Variants in PRKN observed in about 807,000 individuals in gnomAD.
The protein encoded by PRKN is E3 ubiquitin-protein ligase parkin.
PRKN carries 56 observed loss-of-function variants against 59.5 expected under a neutral mutation model. The observed-to-expected ratio is 0.94, with a 90% CI of 0.76 to 1.18. The LOEUF (loss-of-function observed/expected upper bound fraction) is 1.18, where lower values mean the gene tolerates loss of function less well. PRKN is among the 50% of genes most tolerant of loss of function. The pLI is 0.00. For missense variants in PRKN, 657 were observed against 596.4 expected (o/e 1.10, Z -1.06); for synonymous variants, 250 against 222.1 (o/e 1.13, Z -1.12).
chr6:162,650,597 C>CAAAA (rs142452684), intron 1 of PRKN, among the ~76,000 whole-genome samples: 1 of 95,318 alleles, frequency 1.0e-5, no homozygotes, highest in Non-Finnish European at 2.0e-5. Context: ...GACTCCGTCT[C>CAAAA]AAAAAAAAAA....
chr6:161,961,702 A>G (rs1784594), intron 6 of PRKN, among the ~76,000 whole-genome samples: 60,329 of 151,930 alleles, frequency 0.4, 12,150 homozygotes, highest in South Asian at 0.51. Context: ...TCAGAAACGC[A>G]AGGTTTTATC....
At chr6:162,264,133 C>T (rs1347716927) in intron 2 of PRKN, among the ~76,000 whole-genome samples, 1 of 151,680 alleles carries the variant, frequency 6.6e-6, no homozygotes, top group Non-Finnish European at 1.5e-5. Context: ...AAAAATTAGC[C>T]GGCTTTGGTG....
intron 1 of PRKN, among the ~76,000 whole-genome samples, chr6:162,594,580 G>A (rs189220078): frequency 1.6e-3 from 249 of 152,220 alleles, no homozygotes; most frequent in East Asian, 0.01. Flanking sequence ...AAATATGTAT[G>A]ACTTGCATGG....
intron 6 of PRKN, among the ~76,000 whole-genome samples, chr6:161,869,602 C>T (rs1022852427): frequency 3.9e-5 from 6 of 152,172 alleles, no homozygotes; most frequent in Non-Finnish European, 8.8e-5. Context: ...CGCTTCAACT[C>T]AGACTCTGCT....
chr6:161,773,230 A>C (rs1437747615), intron 7 of PRKN, among the ~76,000 whole-genome samples: 1 of 152,240 alleles, frequency 6.6e-6, no homozygotes, highest in Non-Finnish European at 1.5e-5. Context: ...GTGTATGCAT[A>C]ATATGGCTCA....
intron 6 of PRKN, among the ~76,000 whole-genome samples, chr6:161,807,044 T>TA (rs1294431027): frequency 1.3e-5 from 2 of 152,256 alleles, no homozygotes; most frequent in Non-Finnish European, 2.9e-5. Context: ...CTGTAAGTGT[T>TA]AAACTTTAAA....
chr6:162,641,405 T>C lies in PRKN; in HGVS notation c.7+86257A>G, dbSNP rs542528716. ...TTGTAGAAGGCAAAAATCAAAGTGT[T>C]GTCAGAGGAAATTTGCTCACTGAAT... On this transcript the variant is annotated intron_variant, in intron 1 of 11. Coordinates refer to ENST00000366898, the MANE Select transcript of PRKN (RefSeq NM_004562.3). Among the ~76,000 whole-genome samples the C allele has an allele frequency of 5.9e-5, 9 of 152,098 alleles. No individual in the cohort carries two copies. In the South Asian group the frequency reaches 1.7e-3, roughly 28 times the overall value.
chr6:162,285,674 T>C lies in PRKN; in HGVS notation c.172-22909A>G, dbSNP rs774480756. Among the ~76,000 whole-genome samples the C allele has an allele frequency of 2.6e-5, 4 of 152,194 alleles. 1 individual carries two copies. Among genetic ancestry groups the C allele is most frequent in the Non-Finnish European group, 4.4e-5 (3 of 68,038 alleles). On this transcript the variant is annotated intron_variant, in intron 2 of 11. Coordinates refer to ENST00000366898, the MANE Select transcript of PRKN (RefSeq NM_004562.3). ...AAACCACACTGATAAATAAGTATTG[T>C]AGCAGAGACAGCTGGCACCTCATCG...
At chr6:162,252,638 G>A (rs1779482446) in intron 3 of PRKN, among the ~76,000 whole-genome samples, 1 of 152,208 alleles carries the variant, frequency 6.6e-6, no homozygotes, top group Non-Finnish European at 1.5e-5. Flanking sequence ...CACCATGAGA[G>A]GGCACGGCTG....
chr6:162,357,353 T>C (rs376898699), intron 2 of PRKN, among the ~76,000 whole-genome samples: 9 of 152,056 alleles, frequency 5.9e-5, no homozygotes, highest in African/African-American at 2.2e-4. Flanking sequence ...AATAAAGAAA[T>C]AAATAAATAC....
chr6:161,836,427 G>A (rs888904856), intron 6 of PRKN, among the ~76,000 whole-genome samples: 4 of 152,042 alleles, frequency 2.6e-5, no homozygotes, highest in African/African-American at 9.7e-5. Flanking sequence ...GAGTGGCCTC[G>A]ATTAAATCCA....
At chr6:162,315,238 G>A (rs949379750) in intron 2 of PRKN, among the ~76,000 whole-genome samples, 6 of 152,058 alleles carry the variant, frequency 3.9e-5, no homozygotes, top group South Asian at 2.1e-4. Context: ...TGCTAAAAGT[G>A]GTAATTGATC....
chr6:161,526,656 T>C lies in PRKN; in HGVS notation c.1083+22198A>G, dbSNP rs1242471175. Among the ~76,000 whole-genome samples the C allele has an allele frequency of 6.6e-6, 1 of 151,802 alleles. No homozygotes were observed. The highest frequency in any genetic ancestry group is 6.6e-5 in the Admixed American group (1 of 15,234). On this transcript the variant is annotated intron_variant, in intron 9 of 11. Transcript: ENST00000366898. This position sits in a 1 kb window ranked among gnomAD's most constrained non-coding sequence, Gnocchi z 4.1. ...GCTACATGAGGAGCAAACCCTCTGATATAATTTTACATTTACTCATCCATT... is the reference window on the plus strand; with the variant it reads ...GCTACATGAGGAGCAAACCCTCTGACATAATTTTACATTTACTCATCCATT...
At chr6:161,660,253 C>G (rs901493480) in intron 7 of PRKN, among the ~76,000 whole-genome samples, 1 of 152,072 alleles carries the variant, frequency 6.6e-6, no homozygotes, top group African/African-American at 2.4e-5. Context: ...AGGAGAATCA[C>G]AGAATTATAG....
rs577652913 is a variant in PRKN, at chr6:161,581,778, C to A, written c.872-12362G>T. ...GTGAGGGATGGGAAAGTGGTCCTGC[C>A]GAGCTGCTAGTGCAGAGGGTGTGGA... On this transcript the variant is annotated intron_variant, in intron 7 of 11. Coordinates refer to ENST00000366898, the MANE Select transcript of PRKN (RefSeq NM_004562.3). The surrounding 1 kb of genome is among the most constrained non-coding windows in gnomAD (Gnocchi z 4.5). Among the ~76,000 whole-genome samples the A allele has an allele frequency of 3.3e-5, 5 of 152,128 alleles. No individual in the cohort carries two copies. Among genetic ancestry groups the A allele is most frequent in the Non-Finnish European group, 5.9e-5 (4 of 68,026 alleles).
chr6:162,591,706 G>C (rs1781313844), intron 1 of PRKN, among the ~76,000 whole-genome samples: 1 of 152,024 alleles, frequency 6.6e-6, no homozygotes, highest in South Asian at 2.1e-4. Flanking sequence ...TTAAACTTCA[G>C]TTAAGCTAAC....
In PRKN at chr6:162,303,805, A is replaced by G. The variant is rs75056091; in HGVS notation, c.172-41040T>C. On this transcript the variant is annotated intron_variant, in intron 2 of 11. Coordinates refer to ENST00000366898, the MANE Select transcript of PRKN (RefSeq NM_004562.3). Reference sequence around the variant, plus strand: ...AAAACATTTGCTTATCTTTAAGAAAACAAGCTCAGGAAGAGTAAGCTGGAA... The same window carrying G: ...AAAACATTTGCTTATCTTTAAGAAAGCAAGCTCAGGAAGAGTAAGCTGGAA... 1.7e-3 allele frequency among the ~76,000 whole-genome samples: 260 copies of G among 152,256 alleles called. 3 individuals carry two copies. The East Asian group carries it at 0.023, about 13-fold the overall frequency.
chr6:161,991,408 A>C (rs1781641217), intron 5 of PRKN, among the ~76,000 whole-genome samples: 1 of 152,224 alleles, frequency 6.6e-6, no homozygotes, highest in East Asian at 1.9e-4. Context: ...AAGGGAAAGA[A>C]GGAACAAAGC....
chr6:161,642,708 T>C (rs1783788105), intron 7 of PRKN, among the ~76,000 whole-genome samples: 1 of 151,996 alleles, frequency 6.6e-6, no homozygotes, highest in South Asian at 2.1e-4. Flanking sequence ...AGTGGAGGAA[T>C]TGGGAGAAGT....
Sources: gnomAD v4.1 joint callset for allele counts (sites outside exome capture counted in the v4.1 genomes callset) on GRCh38, gnomAD v4.1.1 for gene constraint, Gnocchi (gnomAD v3.1) non-coding constraint, MANE v1.5 for transcripts, NCBI Gene and HGNC (gene_info 2026-07-23, HGNC 2026-07-21) for gene names.